HERC1: variants seen among roughly 807,000 people sequenced by gnomAD.
HERC1 encodes HECT and RLD domain containing E3 ubiquitin protein ligase family member 1.
Under a neutral mutation model 554.3 loss-of-function variants are expected in HERC1, and 160 were observed. That is an observed-to-expected ratio of 0.29 (90% CI 0.25 to 0.33). The LOEUF (loss-of-function observed/expected upper bound fraction) is 0.33, where lower values mean the gene tolerates loss of function less well. HERC1 is among the 10% of genes least tolerant of loss of function. The pLI is 1.00. For synonymous variants in HERC1, 2,175 were observed against 2,131.7 expected (o/e 1.02, Z -0.56); for missense variants, 4,919 against 5,918.5 (o/e 0.83, Z 5.54).
intron 47 of HERC1, among the ~76,000 whole-genome samples, chr15:63,659,333 C>T (rs2070226867): frequency 6.6e-6 from 1 of 152,092 alleles, no homozygotes; most frequent in African/African-American, 2.4e-5. Context: ...CTCACCATAA[C>T]CTCAAACTCC....
intron 1 of HERC1, among the ~76,000 whole-genome samples, chr15:63,799,018 G>T (rs781403080): frequency 1.3e-4 from 19 of 151,912 alleles, no homozygotes; most frequent in Non-Finnish European, 1.5e-5. Flanking sequence ...GTCATCTCTG[G>T]GCTTACTTTT....
In HERC1 at chr15:63,775,223, G is replaced by A. The variant is rs754280235; in HGVS notation, c.401C>T (p.Pro134Leu). The A allele has an allele frequency of 1.5e-5, 24 of 1,613,878 alleles. No individual in the cohort carries two copies. Among genetic ancestry groups the A allele is most frequent in the East Asian group, 4.5e-5 (2 of 44,896 alleles). Residue 134 changes from proline to leucine, a missense_variant, in exon 2 of 78, where the codon CCG becomes CTG. Coordinates refer to ENST00000443617, the MANE Select transcript of HERC1 (RefSeq NM_003922.4). The surrounding 1 kb of genome is among the most constrained non-coding windows in gnomAD (Gnocchi z 4.0). ...KGKVKQQQHS[P>L]ESSSGSADVH... ...ATCTGCTGAACCAGAACTGCTCTCCGGAGAATGCTGCTGCTGCTTCACCTT... is the reference window on the plus strand; with the variant it reads ...ATCTGCTGAACCAGAACTGCTCTCCAGAGAATGCTGCTGCTGCTTCACCTT...
At chr15:63,644,316 T>A (rs1456402563) in intron 57 of HERC1, among the ~76,000 whole-genome samples, 1 of 152,240 alleles carries the variant, frequency 6.6e-6, no homozygotes, top group East Asian at 1.9e-4. Flanking sequence ...GCGATCTGAC[T>A]GGCCACTCAG....
rs373783943 is a variant in HERC1, at chr15:63,698,941, A to G, written c.4692T>C (p.His1564=). The G allele has an allele frequency of 4.8e-4, 778 of 1,613,898 alleles. 13 individuals carry two copies. In the South Asian group the frequency reaches 7.5e-3, roughly 15 times the overall value. ...AGGAGTTGCATAACCAGTCTCTGCTATGTTTCAGGCGAGCCCAAGAGTCAC... is the reference window on the plus strand; with the variant it reads ...AGGAGTTGCATAACCAGTCTCTGCTGTGTTTCAGGCGAGCCCAAGAGTCAC... The part of the protein sequence containing the change: ...SLSDSWARLK[H]SRDWLCNSSY... Residue 1564 remains histidine (H), a synonymous_variant, in exon 26 of 78, where the codon CAT becomes CAC. Coordinates refer to ENST00000443617, the MANE Select transcript of HERC1 (RefSeq NM_003922.4).
chr15:63,668,847 A>G (rs1318333454), intron 40 of HERC1, among the ~76,000 whole-genome samples: 2 of 152,230 alleles, frequency 1.3e-5, no homozygotes, highest in Non-Finnish European at 2.9e-5. Context: ...CACTCTCTCA[A>G]TAATAGACAG....
chr15:63,626,804 T>C (rs185808151), intron 70 of HERC1, among the ~76,000 whole-genome samples: 97 of 152,340 alleles, frequency 6.4e-4, no homozygotes, highest in Non-Finnish European at 7.8e-4. Context: ...GTGCAATTCC[T>C]AGATTTATTA....
Position 63,624,214 on chromosome 15 carries a change from G to T in HERC1, c.13389C>A (p.Thr4463=), listed in dbSNP as rs368224538. The T allele has an allele frequency of 4.3e-6, 7 of 1,613,778 alleles. No individual in the cohort carries two copies. Among genetic ancestry groups the T allele is most frequent in the South Asian group, 1.1e-5 (1 of 91,086 alleles). The change falls in exon 72 of 78, where the codon ACC becomes ACA. Residue 4463 remains threonine, a synonymous_variant. Coordinates refer to ENST00000443617, the MANE Select transcript of HERC1 (RefSeq NM_003922.4). ...TLPMVRSIGK[T]MVQGKNYGPQ... is the part of the protein sequence containing the mutation. ...GTCCATAGTTTTTGCCTTGAACCAT[G>T]GTTTTTCCTATGGAGCGCACCATTG...
chr15:63,816,091 C>G (rs1027280577), intron 1 of HERC1, among the ~76,000 whole-genome samples: 9 of 48,568 alleles, frequency 1.9e-4, no homozygotes, highest in Non-Finnish European at 5.6e-4. Flanking sequence ...CACAGCCAAA[C>G]CATATACCTA....
chr15:63,824,037 A>G (rs1317305107), intron 1 of HERC1, among the ~76,000 whole-genome samples: 1 of 152,220 alleles, frequency 6.6e-6, no homozygotes, highest in Non-Finnish European at 1.5e-5. Context: ...AAAATGCCTC[A>G]ACATCACTAA....
intron 19 of HERC1, among the ~76,000 whole-genome samples, chr15:63,721,698 A>T (rs2073829537): frequency 6.6e-6 from 1 of 152,238 alleles, no homozygotes; most frequent in Non-Finnish European, 1.5e-5. Context: ...AAAATCCAAA[A>T]AAAATGGACA....
At chr15:63,814,308 T>C (rs1300517075) in intron 1 of HERC1, among the ~76,000 whole-genome samples, 5 of 152,220 alleles carry the variant, frequency 3.3e-5, no homozygotes, top group Non-Finnish European at 7.3e-5. Flanking sequence ...AAGGGAGTTA[T>C]TTCCATTTGT....
rs759720013 is a variant in HERC1 at position 63,624,259 on chromosome 15, G to T, written c.13344C>A (p.Ala4448=). ...IVQGQLRPLL[A]PRVYTLPMVR... ...CCATTGGCAGAGTGTAGACTCTTGG[G>T]GCTAACAAAGGCCGAAGTTGTCCCT... is the stretch of plus-strand genomic sequence containing the variant. Residue 4448 remains alanine (A), a synonymous_variant, in exon 72 of 78, where the codon GCC becomes GCA. Transcript: ENST00000443617. The T allele has an allele frequency of 6.2e-7, 1 of 1,613,826 alleles. No homozygotes were observed. Among genetic ancestry groups the T allele is most frequent in the South Asian group, 1.1e-5 (1 of 91,076 alleles).
chr15:63,754,808 A>G (rs1252522665), intron 6 of HERC1, among the ~76,000 whole-genome samples, 160 bp from the exon 7 acceptor site: 1 of 152,180 alleles, frequency 6.6e-6, no homozygotes, highest in Non-Finnish European at 1.5e-5. Context: ...CATCTTCTCA[A>G]TCTTCCAAGG....
intron 1 of HERC1, among the ~76,000 whole-genome samples, chr15:63,785,560 G>A (rs1235253060): frequency 6.6e-6 from 1 of 152,146 alleles, no homozygotes. Context: ...CTTGAGCTCA[G>A]GAGTTCAAGA....
rs753336453 is a variant in HERC1 at position 63,694,061 on chromosome 15, T to A, written c.5577A>T (p.Leu1859=). Residue 1859 remains leucine, a synonymous_variant, in exon 30 of 78, where the codon CTA becomes CTT. Coordinates refer to ENST00000443617, the MANE Select transcript of HERC1 (RefSeq NM_003922.4). The surrounding 1 kb of genome is among the most constrained non-coding windows in gnomAD (Gnocchi z 4.3). The stretch of plus-strand genomic sequence containing the variant: ...CCCCTTCTCCGAAAGAGGCCATATG[T>A]AGTACACCAGTTTGGGACAATAAAT... ...LKNLLSQTGV[L]HMASFGEGEQ... is the part of the protein sequence containing the mutation. 6.2e-7 allele frequency: 1 copy of A among 1,608,172 alleles called. No homozygotes were observed. The highest frequency in any genetic ancestry group is 8.5e-7 in the Non-Finnish European group (1 of 1,177,098).
At chr15:63,690,712 TG>T in intron 31 of HERC1, 65 bp from the exon 32 acceptor site, 1 of 1,051,510 alleles carries the variant, frequency 9.5e-7, no homozygotes, top group East Asian at 2.4e-5. Flanking sequence ...AATGAACTTC[TG>T]GGAAAAAAAT....
chr15:63,799,626 G>C (rs2076916604), intron 1 of HERC1, among the ~76,000 whole-genome samples: 1 of 152,190 alleles, frequency 6.6e-6, no homozygotes, highest in Non-Finnish European at 1.5e-5. Context: ...GTGGAGATCA[G>C]TTATTAAGGG....
At chr15:63,770,283 G>A (rs780023701) in intron 2 of HERC1, among the ~76,000 whole-genome samples, 9 of 152,072 alleles carry the variant, frequency 5.9e-5, no homozygotes, top group Non-Finnish European at 7.4e-5. Flanking sequence ...TACTTCCTCC[G>A]TAAGACATTT....
At chr15:63,777,023 T>C (rs909656666) in intron 1 of HERC1, among the ~76,000 whole-genome samples, 1 of 152,116 alleles carries the variant, frequency 6.6e-6, no homozygotes, top group Non-Finnish European at 1.5e-5. Context: ...AATTACAAAA[T>C]ATTGCAGGGA....
Sources: gnomAD v4.1 joint callset for allele counts (sites outside exome capture counted in the v4.1 genomes callset) on GRCh38, gnomAD v4.1.1 for gene constraint, Gnocchi (gnomAD v3.1) non-coding constraint, MANE v1.5 for transcripts, NCBI Gene and HGNC (gene_info 2026-07-23, HGNC 2026-07-21) for gene names.